The following WHRN variants were observed in gnomAD, a reference collection of about 807,000 sequenced individuals.
The protein encoded by WHRN is CASK-interacting protein CIP98.
WHRN carries 41 observed loss-of-function variants against 68.3 expected under a neutral mutation model. That is an observed-to-expected ratio of 0.60 (90% CI 0.47 to 0.78). The LOEUF (loss-of-function observed/expected upper bound fraction) is 0.78, where lower values mean the gene tolerates loss of function less well. Ranked by LOEUF, WHRN falls within the 30% of genes least tolerant of loss-of-function variation. The pLI is 0.00. For synonymous variants in WHRN, 560 were observed against 561.3 expected (o/e 1.00, Z 0.03); for missense variants, 1,243 against 1,244.7 (o/e 1.00, Z 0.02).
intron 1 of WHRN, among the ~76,000 whole-genome samples, chr9:114,479,647 T>C (rs1841945523): frequency 6.6e-6 from 1 of 152,164 alleles, no homozygotes; most frequent in African/African-American, 2.4e-5. Flanking sequence ...GCACCTGATA[T>C]GCATTATCTC....
intron 2 of WHRN, among the ~76,000 whole-genome samples, chr9:114,472,777 C>T (rs922606507): frequency 6.6e-6 from 1 of 152,170 alleles, no homozygotes; most frequent in African/African-American, 2.4e-5. Context: ...CATTTAGTAA[C>T]TGACGGTTGT....
chr9:114,495,950 A>G (rs1350443282), intron 1 of WHRN, among the ~76,000 whole-genome samples: 1 of 152,194 alleles, frequency 6.6e-6, no homozygotes, highest in Non-Finnish European at 1.5e-5. Context: ...TGGGAGGTTA[A>G]TTTCTGAAAG....
chr9:114,486,940 GTT>G (rs1842548712), intron 1 of WHRN, among the ~76,000 whole-genome samples: 5 of 8,164 alleles, frequency 6.1e-4, no homozygotes, highest in South Asian at 9.4e-3. Context: ...GTGTGTGTGT[GTT>G]GTGTGTGTGT....
chr9:114,504,483 C>T lies in WHRN; in HGVS notation c.319G>A (p.Asp107Asn). The change falls in exon 1 of 12, where the codon GAC (aspartate) becomes AAC (asparagine). Residue 107 changes from aspartate (D) to asparagine (N), a missense_variant. Physicochemically the swap from Asp to Asn is conservative, Grantham distance 23 (BLOSUM62 1). Transcript: ENST00000362057. ...TAGAGGCCCTCGGCCGTGTATTGGT[C>T]GAAGAGCAGCTGGTCGGAGCGCGGG... is the stretch of plus-strand genomic sequence containing the variant. ...VIPRSDQLLF[D>N]QYTAEGLYLP... 3 of 1,608,600 alleles carry T rather than the reference C, an allele frequency of 1.9e-6. No individual in the cohort carries two copies. Among genetic ancestry groups the T allele is most frequent in the Non-Finnish European group, 2.5e-6 (3 of 1,179,782 alleles).
At chr9:114,464,734 G>T (rs944722496) in intron 3 of WHRN, among the ~76,000 whole-genome samples, 4 of 152,090 alleles carry the variant, frequency 2.6e-5, no homozygotes, top group African/African-American at 9.7e-5. Flanking sequence ...GGGAAGCAAG[G>T]TTAAACAAGT....
chr9:114,482,536 G>T (rs80328951), intron 1 of WHRN, among the ~76,000 whole-genome samples: 2,190 of 152,208 alleles, frequency 0.014, 60 homozygotes, highest in African/African-American at 0.05. Flanking sequence ...GGCACCGTGG[G>T]TTAAATGAGA....
chr9:114,470,081 C>G (rs896991662), intron 2 of WHRN, among the ~76,000 whole-genome samples: 1 of 152,236 alleles, frequency 6.6e-6, no homozygotes, highest in Non-Finnish European at 1.5e-5. Context: ...GTACTCACAT[C>G]TGCAACATCC....
At position 114,408,010 on chromosome 9, in the gene WHRN, C is replaced by T. The variant is rs1416412891; in HGVS notation, c.1635G>A (p.Leu545=). 4.4e-6 allele frequency: 7 copies of T among 1,600,712 alleles called. No homozygotes were observed. The highest frequency in any genetic ancestry group is 6.0e-6 in the Non-Finnish European group (7 of 1,172,840). ...CAGCCTCGCCAGTTTCCTCCAGGTCCAGAGTGTTCTAGAAATGGACGAGAA... is the reference window on the plus strand; with the variant it reads ...CAGCCTCGCCAGTTTCCTCCAGGTCTAGAGTGTTCTAGAAATGGACGAGAA... The part of the protein sequence containing the change: ...STTVSSARNT[L]DLEETGEAVQ... The change falls in exon 8 of 12, where the codon CTG becomes CTA. Residue 545 remains leucine, a synonymous_variant. Coordinates refer to ENST00000362057, the MANE Select transcript of WHRN (RefSeq NM_015404.4).
At chr9:114,436,977 T>C (rs191883897) in intron 3 of WHRN, among the ~76,000 whole-genome samples, 19 of 152,308 alleles carry the variant, frequency 1.2e-4, no homozygotes, top group African/African-American at 4.6e-4. Context: ...CGAATGGCTA[T>C]GAGAAACCCT....
chr9:114,472,408 G>T (rs570672566), intron 2 of WHRN, among the ~76,000 whole-genome samples: 1 of 152,222 alleles, frequency 6.6e-6, no homozygotes, highest in Non-Finnish European at 1.5e-5. Flanking sequence ...GCCACCTGGA[G>T]CACTCTGCCC....
At chr9:114,473,979 C>T (rs1841450149) in intron 2 of WHRN, among the ~76,000 whole-genome samples, 2 of 152,124 alleles carry the variant, frequency 1.3e-5, no homozygotes, top group South Asian at 2.1e-4. Context: ...CCCCAAAGAC[C>T]CCATGGCAAC....
chr9:114,476,529 T>C lies in WHRN; in HGVS notation c.837+2024A>G, dbSNP rs141296790. Among the ~76,000 whole-genome samples, 582 of 152,254 alleles carry C rather than the reference T, an allele frequency of 3.8e-3. 16 individuals carry two copies. The highest frequency in any genetic ancestry group is 0.029 in the Admixed American group (439 of 15,294). The stretch of plus-strand genomic sequence containing the variant: ...AAAACAGCCCGTACCTCCCTGGCAC[T>C]TTCTACCCGGCTCCTGATTTCACTT... On this transcript the variant is annotated intron_variant, in intron 2 of 11. Coordinates refer to ENST00000362057, the MANE Select transcript of WHRN (RefSeq NM_015404.4).
chr9:114,415,724 T>C (rs1835769240), intron 7 of WHRN, among the ~76,000 whole-genome samples: 4 of 152,184 alleles, frequency 2.6e-5, no homozygotes, highest in South Asian at 2.1e-4. Flanking sequence ...AGGCAGGAGA[T>C]GCTCCACAAA....
At position 114,504,807 on chromosome 9, in the gene WHRN, C is replaced by A; in HGVS notation, c.-6G>T. 2 of 1,410,774 alleles carry A rather than the reference C, an allele frequency of 1.4e-6. No homozygotes were observed. The highest frequency in any genetic ancestry group is 1.6e-5 in the South Asian group (1 of 63,530). The allele number at this position is 1,410,774 out of a possible 1,614,324, so 87.4% of individuals were successfully genotyped here. A position where few individuals can be genotyped will look rare whatever the true frequency, so the allele number is the denominator to read the frequency against. On this transcript the variant is annotated 5_prime_UTR_variant, in exon 1 of 12. Transcript: ENST00000362057. Reference sequence around the variant, plus strand: ...CCGTCCAGCGGCGCGTTCATCTCCACGCCGAGGCCCGGCCGGGCTCTGAGC... The same window carrying A: ...CCGTCCAGCGGCGCGTTCATCTCCAAGCCGAGGCCCGGCCGGGCTCTGAGC...
intron 2 of WHRN, among the ~76,000 whole-genome samples, chr9:114,469,495 C>T (rs776073314): frequency 6.6e-5 from 10 of 152,212 alleles, no homozygotes; most frequent in Non-Finnish European, 1.3e-4. Context: ...CTGCCCTAGG[C>T]CAAGGGAGCA....
intron 1 of WHRN, among the ~76,000 whole-genome samples, chr9:114,480,392 A>C (rs1262745798): frequency 6.6e-6 from 1 of 152,176 alleles, no homozygotes; most frequent in Non-Finnish European, 1.5e-5. Context: ...ATGTGATGGT[A>C]CTTTGGAGAT....
In WHRN at chr9:114,437,169, CAA is replaced by C. The variant is rs1007545647; in HGVS notation, c.964-10758_964-10757del. Among the ~76,000 whole-genome samples the C allele has an allele frequency of 2.6e-4, 40 of 152,072 alleles. 1 individual carries two copies. Among genetic ancestry groups the C allele is most frequent in the African/African-American group, 8.2e-4 (34 of 41,466 alleles). Reference sequence around the variant, plus strand: ...AAGGTGGCACTACAAATCACTGTGACAAAGACAGACTTTTTAATATGCAGTAG... The same window carrying C: ...AAGGTGGCACTACAAATCACTGTGACAGACAGACTTTTTAATATGCAGTAG... On this transcript the variant is annotated intron_variant, in intron 3 of 11. Transcript: ENST00000362057.
chr9:114,478,446 G>A, intron 2 of WHRN, 107 bp downstream of exon 2: 1 of 1,255,574 alleles, frequency 8.0e-7, no homozygotes, highest in South Asian at 1.2e-5. Context: ...GACAGAGCCT[G>A]GACAGAACCA....
intron 7 of WHRN, among the ~76,000 whole-genome samples, chr9:114,413,956 A>G: frequency 6.6e-6 from 1 of 152,102 alleles, no homozygotes; most frequent in Non-Finnish European, 1.5e-5. Context: ...CGTCAGTGGA[A>G]AGAGAGAGTG....
Sources: allele counts gnomAD v4.1 joint callset (sites outside exome capture counted in the v4.1 genomes callset), GRCh38; gene constraint gnomAD v4.1.1; transcripts MANE v1.5; gene names NCBI Gene and HGNC (gene_info 2026-07-23, HGNC 2026-07-21).